PTP4A3: variants seen among roughly 807,000 people sequenced by gnomAD.
The protein encoded by PTP4A3 is protein tyrosine phosphatase 4A3.
In PTP4A3, 9 loss-of-function variants were observed where a neutral mutation model predicts 15.2. The ratio of observed to expected loss-of-function variants is 0.59; its 90% CI spans 0.36 to 1.03. The LOEUF (loss-of-function observed/expected upper bound fraction) is 1.03. PTP4A3 is among the 50% of genes least tolerant of loss of function. The pLI is 0.02. For missense variants in PTP4A3, 234 were observed against 252.1 expected, an observed-to-expected ratio of 0.93 and a Z score of 0.49; for synonymous variants, 95 against 102.0, an observed-to-expected ratio of 0.93 and a Z score of 0.41.
chr8:141,409,906 C>T (rs1382306559), intron 1 of PTP4A3, among the ~76,000 whole-genome samples: 1 of 152,254 alleles, frequency 6.6e-6, no homozygotes, highest in Non-Finnish European at 1.5e-5. Context: ...CTGCCTGCCA[C>T]CCACCTGGGC....
chr8:141,431,087 C>G lies in PTP4A3; in HGVS notation c.*43C>G. The G allele has an allele frequency of 6.3e-7, 1 of 1,587,568 alleles. No individual in the cohort carries two copies. The highest frequency in any genetic ancestry group is 1.1e-5 in the South Asian group (1 of 90,556). On this transcript the variant is annotated 3_prime_UTR_variant, in exon 6 of 6. Coordinates refer to ENST00000521578, the MANE Select transcript of PTP4A3 (RefSeq NM_032611.3). The stretch of plus-strand genomic sequence containing the variant: ...GCCTGGTCGTCATGTAGGTCAGGAC[C>G]TTGGCTGGACCTGGAGGCCCTGCCC...
In PTP4A3 at chr8:141,425,181, C is replaced by CGG. The variant is rs1833511401; in HGVS notation, c.198+45_198+46dup. On this transcript the variant is annotated intron_variant, in intron 3 of 5. Coordinates refer to ENST00000521578, the MANE Select transcript of PTP4A3 (RefSeq NM_032611.3). The surrounding 1 kb of genome is among the most constrained non-coding windows in gnomAD (Gnocchi z 4.2). The stretch of plus-strand genomic sequence containing the variant: ...CGGGGACCCTAGTCACTGCTGCCAC[C>CGG]GGGGGAGGGTGGGGCGGGGGGCTCC... 1.2e-4 allele frequency: 40 copies of CGG among 345,126 alleles called. No individual in the cohort carries two copies. Among genetic ancestry groups the CGG allele is most frequent in the East Asian group, 4.9e-4 (6 of 12,152 alleles). 21.4% of individuals were successfully genotyped at this position (345,126 alleles called of 1,614,324 possible).
In PTP4A3 at chr8:141,431,093, T is replaced by C. The variant is rs1833853587; in HGVS notation, c.*49T>C. On this transcript the variant is annotated 3_prime_UTR_variant, in exon 6 of 6. Coordinates refer to ENST00000521578, the MANE Select transcript of PTP4A3 (RefSeq NM_032611.3). ...TCGTCATGTAGGTCAGGACCTTGGC[T>C]GGACCTGGAGGCCCTGCCCAGCCCT... 1 of 1,571,738 alleles carries C rather than the reference T, an allele frequency of 6.4e-7. No individual in the cohort carries two copies. The highest frequency in any genetic ancestry group is 8.7e-7 in the Non-Finnish European group (1 of 1,143,202).
In PTP4A3 at chr8:141,419,886, C is replaced by T. The variant is rs563315777; in HGVS notation, c.-853-1502C>T. Among the ~76,000 whole-genome samples, 19 of 152,290 alleles carry T rather than the reference C, an allele frequency of 1.2e-4. 1 individual carries two copies. In the East Asian group the frequency reaches 3.7e-3, roughly 29 times the overall value. The stretch of plus-strand genomic sequence containing the variant: ...GAGCCACTGCGCCTGACACCCACCG[C>T]CCATTTTAACCTTCCCAGAACCATG... On this transcript the variant is annotated intron_variant, in intron 1 of 5. Coordinates refer to ENST00000521578, the MANE Select transcript of PTP4A3 (RefSeq NM_032611.3).
intron 1 of PTP4A3, among the ~76,000 whole-genome samples, chr8:141,407,035 G>T (rs1832747698): frequency 6.6e-6 from 1 of 152,154 alleles, no homozygotes; most frequent in African/African-American, 2.4e-5. Context: ...CCTCTCTGCT[G>T]GGGATCCTGG....
intron 1 of PTP4A3, among the ~76,000 whole-genome samples, chr8:141,416,019 G>A (rs1322898038): frequency 1.3e-5 from 2 of 152,084 alleles, no homozygotes; most frequent in African/African-American, 4.8e-5. Context: ...AAGGCCTGGG[G>A]CTGTGCCAGC....
At chr8:141,429,217 G>T (rs1228770080) in intron 5 of PTP4A3, among the ~76,000 whole-genome samples, 1 of 152,272 alleles carries the variant, frequency 6.6e-6, no homozygotes, top group African/African-American at 2.4e-5. Flanking sequence ...GCGAGGAAAC[G>T]AGCACGGTGG....
intron 1 of PTP4A3, among the ~76,000 whole-genome samples, chr8:141,398,182 G>A (rs1411823487): frequency 3.9e-5 from 6 of 152,190 alleles, no homozygotes; most frequent in African/African-American, 1.4e-4. Context: ...GGTGGAGTGG[G>A]CCAGTGGGGC....
At chr8:141,430,874 G>A in intron 5 of PTP4A3, 53 bp from the exon 6 acceptor site, 1 of 1,579,548 alleles carries the variant, frequency 6.3e-7, no homozygotes, top group Non-Finnish European at 8.7e-7. Context: ...GGGCAGGTGA[G>A]ATGGCCGAGC....
intron 1 of PTP4A3, among the ~76,000 whole-genome samples, chr8:141,402,457 AGCTGGCTAGG>A: frequency 1.3e-5 from 2 of 152,166 alleles, no homozygotes; most frequent in African/African-American, 2.4e-5. Flanking sequence ...GCCTGAGTGT[AGCTGGCTAGG>A]CCCAGGGCCT....
chr8:141,417,943 C>A (rs945697711), intron 1 of PTP4A3, among the ~76,000 whole-genome samples: 2 of 151,826 alleles, frequency 1.3e-5, no homozygotes, highest in Non-Finnish European at 2.9e-5. Context: ...GGAGGGGCGG[C>A]GCCCCGACCC....
At chr8:141,423,216 G>A (rs117311887) in intron 2 of PTP4A3, among the ~76,000 whole-genome samples, 1,697 of 152,318 alleles carry the variant, frequency 0.011, 12 homozygotes, top group Non-Finnish European at 0.018. Context: ...GGAGGCATTG[G>A]GCACCTTGCC....
At position 141,431,560 on chromosome 8, in the gene PTP4A3, G is replaced by C. The variant is rs1324283300; in HGVS notation, c.*516G>C. 1 of 153,232 alleles carries C rather than the reference G, an allele frequency of 6.5e-6. No homozygotes were observed. The highest frequency in any genetic ancestry group is 1.9e-4 in the East Asian group (1 of 5,180). The allele number at this position is 153,232 out of a possible 1,614,324, so 9.5% of individuals were successfully genotyped here. A position where few individuals can be genotyped will look rare whatever the true frequency, so the allele number is the denominator to read the frequency against. Reference sequence around the variant, plus strand: ...GTGGGCTACAGCGTCAGGCGGGGCGGGCTGGTGGCCTGGGGGCCCCAGAGG... The same window carrying C: ...GTGGGCTACAGCGTCAGGCGGGGCGCGCTGGTGGCCTGGGGGCCCCAGAGG... On this transcript the variant is annotated 3_prime_UTR_variant, in exon 6 of 6. Coordinates refer to ENST00000521578, the MANE Select transcript of PTP4A3 (RefSeq NM_032611.3).
intron 5 of PTP4A3, among the ~76,000 whole-genome samples, chr8:141,428,997 T>G (rs1833719046): frequency 1.3e-5 from 2 of 152,192 alleles, no homozygotes; most frequent in African/African-American, 4.8e-5. Flanking sequence ...AGGGCTTGTC[T>G]CTCCCTTGTG....
At chr8:141,414,491 G>A (rs944269288) in intron 1 of PTP4A3, among the ~76,000 whole-genome samples, 1 of 152,156 alleles carries the variant, frequency 6.6e-6, no homozygotes, top group African/African-American at 2.4e-5. Context: ...CAGACAGAGG[G>A]CACGTGGGAG....
intron 1 of PTP4A3, among the ~76,000 whole-genome samples, chr8:141,403,084 T>C (rs1196802449): frequency 6.6e-6 from 1 of 151,868 alleles, no homozygotes; most frequent in Non-Finnish European, 1.5e-5. Context: ...TCGGAGGGAG[T>C]GACGGGACTT....
chr8:141,418,009 T>G (rs1419444930), intron 1 of PTP4A3, among the ~76,000 whole-genome samples: 1 of 151,922 alleles, frequency 6.6e-6, no homozygotes, highest in Non-Finnish European at 1.5e-5. Context: ...GTGGGACGCC[T>G]GCGGCGCGGG....
intron 5 of PTP4A3, 139 bp downstream of exon 5, chr8:141,427,963 A>G: frequency 2.4e-6 from 2 of 850,868 alleles, no homozygotes; most frequent in Non-Finnish European, 3.6e-6. Flanking sequence ...GCCTTGCTGC[A>G]GAAACGGGGA....
At position 141,422,306 on chromosome 8, in the gene PTP4A3, C is replaced by T. The variant is rs1367255446; in HGVS notation, c.66C>T (p.Thr22=). ...ACAAACACATGCGCTTCCTCATCAC[C>T]CACAACCCCACCAACGCCACGCTCA... The part of the protein sequence containing the change: ...VSYKHMRFLI[T]HNPTNATLST... The change falls in exon 2 of 6, where the codon ACC becomes ACT. Residue 22 remains threonine, a synonymous_variant. Coordinates refer to ENST00000521578, the MANE Select transcript of PTP4A3 (RefSeq NM_032611.3). 6.2e-7 allele frequency: 1 copy of T among 1,613,484 alleles called. No individual in the cohort carries two copies. The highest frequency in any genetic ancestry group is 8.5e-7 in the Non-Finnish European group (1 of 1,179,994).
Sources: gnomAD v4.1 joint callset for allele counts (sites outside exome capture counted in the v4.1 genomes callset) on GRCh38, gnomAD v4.1.1 for gene constraint, Gnocchi (gnomAD v3.1) non-coding constraint, MANE v1.5 for transcripts, NCBI Gene and HGNC (gene_info 2026-07-23, HGNC 2026-07-21) for gene names.